ARHGAP28: variants seen among roughly 807,000 people sequenced by gnomAD.
ARHGAP28 encodes rho GTPase-activating protein 28.
In ARHGAP28, 56 loss-of-function variants were observed where a neutral mutation model predicts 90.7. The ratio of observed to expected loss-of-function variants is 0.62; its 90% confidence interval spans 0.50 to 0.77. The LOEUF is 0.77. Ranked by LOEUF, ARHGAP28 falls within the 30% of genes least tolerant of loss-of-function variation. The probability of loss-of-function intolerance (pLI) is 0.00; values close to 1 mark genes in which losing one functional copy is unlikely to be tolerated. For synonymous variants in ARHGAP28, 308 were observed against 323.3 expected, an observed-to-expected ratio of 0.95 and a Z score of 0.51; for missense variants, 869 against 900.9, an observed-to-expected ratio of 0.96 and a Z score of 0.45.
At chr18:6,783,707 G>A (rs1161780370) in intron 1 of ARHGAP28, among the ~76,000 whole-genome samples, 1 of 152,174 alleles carries the variant, frequency 6.6e-6, no homozygotes, top group East Asian at 1.9e-4. Context: ...TCATCCACAA[G>A]CCCCCCTTGC....
intron 12 of ARHGAP28, 111 bp downstream of exon 12, chr18:6,887,350 G>C (rs1032496554): frequency 3.3e-6 from 3 of 918,786 alleles, no homozygotes; most frequent in Admixed American, 2.0e-5. Flanking sequence ...ACCTGAGCAT[G>C]CTGCAAACAC....
intron 5 of ARHGAP28, among the ~76,000 whole-genome samples, chr18:6,866,406 C>G (rs962997376): frequency 2.0e-5 from 3 of 152,174 alleles, no homozygotes; most frequent in Non-Finnish European, 2.9e-5. Context: ...CCTGAAATTT[C>G]TGCTTCCATC....
chr18:6,864,859 T>C (rs1276705195), intron 5 of ARHGAP28, among the ~76,000 whole-genome samples: 1 of 151,932 alleles, frequency 6.6e-6, no homozygotes, highest in Non-Finnish European at 1.5e-5. Context: ...TAAATTTTTT[T>C]TTTTAAGTAG....
intron 10 of ARHGAP28, among the ~76,000 whole-genome samples, chr18:6,879,908 G>C (rs1256765232): frequency 3.3e-5 from 5 of 152,198 alleles, no homozygotes. Flanking sequence ...AAAGCCTAAA[G>C]GATCTGGTTG....
intron 1 of ARHGAP28, among the ~76,000 whole-genome samples, chr18:6,770,089 A>G (rs554221822): frequency 1.3e-5 from 2 of 152,262 alleles, no homozygotes; most frequent in East Asian, 3.9e-4. Flanking sequence ...GCAAGGAAAA[A>G]TTCATTTTTG....
rs1357530205 is a variant in ARHGAP28, at chr18:6,834,900, A to G, written c.326-2297A>G. Among the ~76,000 whole-genome samples, 5 of 152,344 alleles carry G rather than the reference A, an allele frequency of 3.3e-5. No individual in the cohort carries two copies. In the South Asian group the frequency reaches 6.2e-4, roughly 19 times the overall value. On this transcript the variant is annotated intron_variant, in intron 2 of 17. Transcript: ENST00000383472. ...AAATACGGAATCCTGAAAGAGGCCT[A>G]GAATTGGGAGTGAGAAATACGAGTT...
chr18:6,738,263 T>A (rs1454386220), intron 1 of ARHGAP28, among the ~76,000 whole-genome samples: 1 of 152,140 alleles, frequency 6.6e-6, no homozygotes, highest in Non-Finnish European at 1.5e-5. Context: ...TTGTTAAACT[T>A]TGTGGTTAGC....
intron 3 of ARHGAP28, among the ~76,000 whole-genome samples, chr18:6,841,180 C>CCTCTCTCTCT (rs143797436): frequency 2.8e-4 from 16 of 57,066 alleles, no homozygotes; most frequent in East Asian, 4.9e-4. Context: ...CTCTCTCTCT[C>CCTCTCTCTCT]CTCTCTCTCT....
At chr18:6,869,449 C>T (rs1024468016) in intron 6 of ARHGAP28, among the ~76,000 whole-genome samples, 1 of 151,686 alleles carries the variant, frequency 6.6e-6, no homozygotes, top group Non-Finnish European at 1.5e-5. Flanking sequence ...TTAGTAGAGA[C>T]GGCGTTTCTC....
chr18:6,841,180 C>CTCTCTCTCTCTCTCTCT (rs1491103592), intron 3 of ARHGAP28, among the ~76,000 whole-genome samples: 7 of 57,068 alleles, frequency 1.2e-4, no homozygotes, highest in South Asian at 7.4e-4. Flanking sequence ...CTCTCTCTCT[C>CTCTCTCTCTCTCTCTCT]CTCTCTCTCT....
intron 11 of ARHGAP28, 79 bp downstream of exon 11, chr18:6,882,378 A>G (rs2057186263): frequency 1.7e-5 from 24 of 1,406,476 alleles, no homozygotes; most frequent in African/African-American, 2.9e-5. Context: ...TGCTGAATCA[A>G]ATGTGCTCAT....
At chr18:6,891,374 C>T (rs1213867228) in intron 14 of ARHGAP28, among the ~76,000 whole-genome samples, 1 of 151,946 alleles carries the variant, frequency 6.6e-6, no homozygotes, top group Non-Finnish European at 1.5e-5. Flanking sequence ...AAGTGATTCT[C>T]CTGCCTCAGC....
At chr18:6,873,254 A>G (rs538119744) in intron 7 of ARHGAP28, 155 bp from the exon 8 acceptor site, 4 of 648,138 alleles carry the variant, frequency 6.2e-6, no homozygotes, top group Non-Finnish European at 1.1e-5. Flanking sequence ...TCTAAACCAC[A>G]TATTCATATT....
chr18:6,860,006 T>C, intron 5 of ARHGAP28, 109 bp downstream of exon 5: 1 of 945,530 alleles, frequency 1.1e-6, no homozygotes, highest in Non-Finnish European at 1.6e-6. Flanking sequence ...AAAAAATACT[T>C]GAGCTAAGAT....
At chr18:6,910,516 G>A (rs1166492331) in intron 17 of ARHGAP28, among the ~76,000 whole-genome samples, 1 of 152,012 alleles carries the variant, frequency 6.6e-6, no homozygotes, top group Non-Finnish European at 1.5e-5. Context: ...CTTTTCCCCA[G>A]GATGCCCTCC....
chr18:6,729,743 T>C lies in ARHGAP28; in HGVS notation c.-79T>C. ...ACCTCGGGCCGCGCCGCCCAGCTGC[T>C]GACAGCCTCCCGGCGCGCCGGTCCA... On this transcript the variant is annotated 5_prime_UTR_variant, in exon 1 of 18. Coordinates refer to ENST00000383472, the MANE Select transcript of ARHGAP28 (RefSeq NM_001366230.1). The C allele has an allele frequency of 7.8e-7, 1 of 1,279,988 alleles. No homozygotes were observed. The highest frequency in any genetic ancestry group is 9.9e-7 in the Non-Finnish European group (1 of 1,012,520). The allele number at this position is 1,279,988 out of a possible 1,614,324, so 79.3% of individuals were successfully genotyped here.
intron 16 of ARHGAP28, chr18:6,897,520 T>C (rs2057313154): frequency 6.6e-6 from 1 of 152,198 alleles, no homozygotes; most frequent in Non-Finnish European, 1.5e-5. Flanking sequence ...TTTGTCTTCT[T>C]GTTTATAAAG....
intron 2 of ARHGAP28, among the ~76,000 whole-genome samples, chr18:6,827,442 G>C (rs1567960989): frequency 7.0e-6 from 1 of 143,370 alleles, no homozygotes; most frequent in Non-Finnish European, 1.5e-5. Context: ...CTCCCGGACG[G>C]GGCGGCTGGC....
intron 1 of ARHGAP28, among the ~76,000 whole-genome samples, chr18:6,741,906 C>A (rs1013560230): frequency 3.3e-5 from 5 of 152,104 alleles, no homozygotes; most frequent in Admixed American, 2.6e-4. Context: ...TTTCCAGGAT[C>A]CCCCAATCGC....
Sources: gnomAD v4.1 joint callset for allele counts (sites outside exome capture counted in the v4.1 genomes callset) on GRCh38, gnomAD v4.1.1 for gene constraint, MANE v1.5 for transcripts, NCBI Gene and HGNC (gene_info 2026-07-23, HGNC 2026-07-21) for gene names.